The following MYO1D variants were observed in gnomAD, a reference collection of about 807,000 sequenced individuals.
The protein encoded by MYO1D is myosin ID.
Under a neutral mutation model 122.0 loss-of-function variants are expected in MYO1D, and 83 were observed. The ratio of observed to expected loss-of-function variants is 0.68; its 90% confidence interval spans 0.57 to 0.82. The LOEUF is 0.82. Ranked by LOEUF, MYO1D falls within the 40% of genes least tolerant of loss-of-function variation. MYO1D has a pLI of 0.00. For missense variants in MYO1D, 1,157 were observed against 1,269.5 expected, an observed-to-expected ratio of 0.91 and a Z score of 1.35; for synonymous variants, 464 against 446.9, an observed-to-expected ratio of 1.04 and a Z score of -0.48.
intron 3 of MYO1D, among the ~76,000 whole-genome samples, chr17:32,777,711 C>G (rs1031889969): frequency 6.6e-6 from 1 of 151,410 alleles, no homozygotes; most frequent in Non-Finnish European, 1.5e-5. Flanking sequence ...TTTGGGAGAC[C>G]GAGGCGGACG....
intron 15 of MYO1D, among the ~76,000 whole-genome samples, chr17:32,719,791 G>A (rs2080699969): frequency 6.6e-6 from 1 of 152,172 alleles, no homozygotes; most frequent in Non-Finnish European, 1.5e-5. Context: ...AATCTAAATA[G>A]TTTAGTCTGA....
At chr17:32,837,766 A>G (rs2090841652) in intron 1 of MYO1D, among the ~76,000 whole-genome samples, 1 of 152,038 alleles carries the variant, frequency 6.6e-6, no homozygotes, top group Non-Finnish European at 1.5e-5. Context: ...CTTTTCCCCT[A>G]TTTTTTATCA....
intron 13 of MYO1D, among the ~76,000 whole-genome samples, chr17:32,740,355 TG>T (rs1435177151): frequency 4.6e-4 from 70 of 152,312 alleles, no homozygotes; most frequent in African/African-American, 1.6e-3. Context: ...TGTACTACAC[TG>T]TAAAGGTTGG....
chr17:32,832,108 TTTTC>T (rs935255525), intron 1 of MYO1D, among the ~76,000 whole-genome samples: 48 of 151,832 alleles, frequency 3.2e-4, no homozygotes, highest in African/African-American at 4.6e-4. Flanking sequence ...GGGTTTTCTT[TTTTC>T]TTTCTTTCTT....
At chr17:32,648,548 G>A (rs1722667074) in intron 19 of MYO1D, among the ~76,000 whole-genome samples, 1 of 152,230 alleles carries the variant, frequency 6.6e-6, no homozygotes, top group African/African-American at 2.4e-5. Context: ...CATGATTAGA[G>A]GGTTGGAACT....
chr17:32,527,667 A>G (rs1910384505), intron 21 of MYO1D, among the ~76,000 whole-genome samples: 1 of 151,996 alleles, frequency 6.6e-6, no homozygotes, highest in Admixed American at 6.6e-5. Context: ...GTATGGTGGT[A>G]TGTGCCTGTA....
intron 14 of MYO1D, among the ~76,000 whole-genome samples, chr17:32,734,554 G>A (rs1735085594): frequency 6.6e-6 from 1 of 152,062 alleles, no homozygotes; most frequent in African/African-American, 2.4e-5. Context: ...ATTTTACAAA[G>A]GCAACAAATG....
chr17:32,540,290 A>C (rs1171929227), intron 21 of MYO1D, among the ~76,000 whole-genome samples: 1 of 139,736 alleles, frequency 7.2e-6, no homozygotes, highest in Non-Finnish European at 1.5e-5. Flanking sequence ...AGATCGCGTC[A>C]CTGTACTCCA....
rs147865723 is a variant in MYO1D at position 32,568,448 on chromosome 17, C to T, written c.2864+36639G>A. 2.7e-3 allele frequency among the ~76,000 whole-genome samples: 416 copies of T among 152,324 alleles called. 2 individuals are homozygous for T. Among genetic ancestry groups the T allele is most frequent in the South Asian group, 0.014 (69 of 4,832 alleles). ...TCTCATCCCTTTGCAAACTGTTTTT[C>T]TCATGGCTGCTGGAGTTATCTTTCC... is the stretch of plus-strand genomic sequence containing the variant. On this transcript the variant is annotated intron_variant, in intron 21 of 21. Coordinates refer to ENST00000318217, the MANE Select transcript of MYO1D (RefSeq NM_015194.3).
At chr17:32,589,310 C>T (rs1567899945) in intron 21 of MYO1D, among the ~76,000 whole-genome samples, 1 of 152,194 alleles carries the variant, frequency 6.6e-6, no homozygotes, top group South Asian at 2.1e-4. Flanking sequence ...CAACTTCTCA[C>T]CTTTGGGAAC....
intron 21 of MYO1D, among the ~76,000 whole-genome samples, chr17:32,573,028 C>T (rs1567894559): frequency 6.6e-6 from 1 of 151,972 alleles, no homozygotes; most frequent in Non-Finnish European, 1.5e-5. Context: ...TGTTCACTGC[C>T]TGTATCCCAA....
At chr17:32,518,056 C>T (rs913172483) in intron 21 of MYO1D, among the ~76,000 whole-genome samples, 1 of 151,836 alleles carries the variant, frequency 6.6e-6, no homozygotes, top group Non-Finnish European at 1.5e-5. Flanking sequence ...ACTCTGCCAT[C>T]ACCCTCTGGA....
At chr17:32,588,970 CAA>C (rs138833745) in intron 21 of MYO1D, among the ~76,000 whole-genome samples, 75 of 150,222 alleles carry the variant, frequency 5.0e-4, no homozygotes, top group African/African-American at 1.4e-3. Context: ...ACAAATAAAA[CAA>C]AAAAAAAACC....
chr17:32,691,482 C>T (rs376325987), intron 16 of MYO1D, among the ~76,000 whole-genome samples: 2 of 148,114 alleles, frequency 1.4e-5, no homozygotes, highest in African/African-American at 5.0e-5. Context: ...TTTCAGCTCA[C>T]TGCAACCTCT....
intron 1 of MYO1D, among the ~76,000 whole-genome samples, chr17:32,847,593 C>A (rs1230702969): frequency 6.6e-6 from 1 of 152,194 alleles, no homozygotes. Context: ...CAGCTCATTG[C>A]AATCTCCACC....
chr17:32,544,106 T>A (rs1266020832), intron 21 of MYO1D, among the ~76,000 whole-genome samples: 1 of 150,768 alleles, frequency 6.6e-6, no homozygotes, highest in Non-Finnish European at 1.5e-5. Context: ...TCTTGCTTTT[T>A]TTTTTTTGAG....
intron 16 of MYO1D, among the ~76,000 whole-genome samples, chr17:32,692,218 C>A (rs1386707453): frequency 1.3e-5 from 2 of 152,084 alleles, no homozygotes; most frequent in African/African-American, 2.4e-5. Context: ...ACTTGATAGT[C>A]CAAGCAGAAT....
At chr17:32,805,065 C>A (rs910898868) in intron 1 of MYO1D, among the ~76,000 whole-genome samples, 1 of 152,120 alleles carries the variant, frequency 6.6e-6, no homozygotes, top group Non-Finnish European at 1.5e-5. Flanking sequence ...AAGGGTTCTA[C>A]CCCCATGAAT....
chr17:32,781,484 A>G (rs1367937540), intron 1 of MYO1D, among the ~76,000 whole-genome samples: 3 of 152,192 alleles, frequency 2.0e-5, no homozygotes, highest in Non-Finnish European at 4.4e-5. Context: ...CAGCTGGTTG[A>G]AAGGCATGTG....
Sources: allele counts gnomAD v4.1 joint callset (sites outside exome capture counted in the v4.1 genomes callset), GRCh38; gene constraint gnomAD v4.1.1; transcripts MANE v1.5; gene names NCBI Gene and HGNC (gene_info 2026-07-23, HGNC 2026-07-21).